Variants in LRTM3 observed in about 807,000 individuals in gnomAD.
The protein encoded by LRTM3 is leucine rich repeat transmembrane protein 3, also known as leucine-rich repeat transmembrane protein 3.
the LRTM3 span, chr13:102,738,241 C>T: frequency 6.4e-7 from 1 of 1,550,916 alleles, no homozygotes; most frequent in Non-Finnish European, 8.7e-7. Context: ...CTTTCTGTTG[C>T]ATGTAATCTT....
chr13:102,743,129 A>T, the LRTM3 span: 1 of 1,550,480 alleles, frequency 6.4e-7, no homozygotes, highest in Non-Finnish European at 8.7e-7. Flanking sequence ...GAATGGATCC[A>T]TTTCTGTAAG....
chr13:102,739,586 A>G, the LRTM3 span: 23 of 1,550,226 alleles, frequency 1.5e-5, no homozygotes, highest in South Asian at 3.6e-5. Context: ...CTCTTGTTTT[A>G]TAATGTCTAA....
chr13:102,730,614 G>T, the LRTM3 span: 9 of 1,551,974 alleles, frequency 5.8e-6, no homozygotes, highest in Non-Finnish European at 7.8e-6. Flanking sequence ...AGGGTTGGCT[G>T]TGGGAATTTT....
the LRTM3 span, among the ~76,000 whole-genome samples, chr13:102,756,673 T>TAAAAAAAAAAA: frequency 3.0e-5 from 2 of 67,016 alleles, no homozygotes; most frequent in African/African-American, 1.1e-4. Context: ...AAACTCTGTC[T>TAAAAAAAAAAA]AAAAAAAAAA....
At chr13:102,755,945 ATATATATATATATATATT>A in the LRTM3 span, among the ~76,000 whole-genome samples, 1,719 of 76,224 alleles carry the variant, frequency 0.023, 13 homozygotes, top group Middle Eastern at 0.034. Context: ...ATATATACAT[ATATATATATATATATATT>A]TTTTTTTTTT....
the LRTM3 span, chr13:102,730,923 C>T: frequency 5.2e-6 from 8 of 1,551,120 alleles, no homozygotes; most frequent in African/African-American, 6.8e-5. Context: ...CCTGTGAAAC[C>T]AGGATGAATA....
the LRTM3 span, chr13:102,734,860 G>A: frequency 6.4e-7 from 1 of 1,550,880 alleles, no homozygotes; most frequent in African/African-American, 1.4e-5. Flanking sequence ...ATATTAAGAT[G>A]CTTACTATTT....
the LRTM3 span, among the ~76,000 whole-genome samples, chr13:102,756,280 C>T: frequency 6.8e-6 from 1 of 148,038 alleles, no homozygotes; most frequent in East Asian, 2.0e-4. Flanking sequence ...TCATGATATT[C>T]CTAAGAGGTA....
the LRTM3 span, chr13:102,739,153 A>T: frequency 6.5e-7 from 1 of 1,550,068 alleles, no homozygotes; most frequent in Admixed American, 2.0e-5. Flanking sequence ...TCTGAACTAC[A>T]TTTAGATTAC....
chr13:102,742,927 C>T, the LRTM3 span: 1 of 1,549,832 alleles, frequency 6.5e-7, no homozygotes, highest in Non-Finnish European at 8.7e-7. Flanking sequence ...TATCTGATTT[C>T]TCCATCCTTG....
chr13:102,738,948 G>A, the LRTM3 span: 10 of 1,550,356 alleles, frequency 6.5e-6, no homozygotes, highest in Non-Finnish European at 7.9e-6. Context: ...TTGTCTTTCT[G>A]CGGCATATGT....
chr13:102,749,897 C>A, the LRTM3 span: 48 of 1,551,440 alleles, frequency 3.1e-5, no homozygotes, highest in Non-Finnish European at 4.2e-5. Flanking sequence ...AGTAGTTCTG[C>A]TCCCTAACTT....
chr13:102,747,706 ACTCT>A, the LRTM3 span: 10 of 1,550,864 alleles, frequency 6.4e-6, no homozygotes, highest in Non-Finnish European at 8.7e-6. Context: ...GATCTCCGGC[ACTCT>A]CTCTGTCTGT....
At chr13:102,729,610 G>T in the LRTM3 span, 2 of 1,544,702 alleles carry the variant, frequency 1.3e-6, no homozygotes, top group African/African-American at 1.4e-5. Flanking sequence ...GAATGGTTTT[G>T]GGTATAACCT....
At chr13:102,740,112 T>C in the LRTM3 span, 2 of 1,548,524 alleles carry the variant, frequency 1.3e-6, no homozygotes, top group East Asian at 4.9e-5. Context: ...TTTTGTACCT[T>C]TTCATTTGCC....
chr13:102,738,153 G>T, the LRTM3 span: 28 of 1,550,864 alleles, frequency 1.8e-5, no homozygotes, highest in East Asian at 2.2e-4. Flanking sequence ...TCCTGTGAAA[G>T]TGCCTTCTTT....
At chr13:102,745,428 ATGTTTCAT>A in the LRTM3 span, 1 of 1,550,826 alleles carries the variant, frequency 6.4e-7, no homozygotes, top group African/African-American at 1.4e-5. Flanking sequence ...AGGAAAGCAT[ATGTTTCAT>A]CTACCCCCTT....
the LRTM3 span, chr13:102,758,608 G>C: frequency 6.5e-5 from 99 of 1,526,358 alleles, no homozygotes; most frequent in Non-Finnish European, 8.6e-5. Flanking sequence ...TGTTAGAGGA[G>C]TAATCGGAGT....
chr13:102,731,411 A>G, the LRTM3 span: 8 of 1,551,458 alleles, frequency 5.2e-6, no homozygotes, highest in South Asian at 1.2e-5. Flanking sequence ...TATCAGATTC[A>G]GTTGTATTTC....
Sources: gnomAD v4.1 joint callset for allele counts (sites outside exome capture counted in the v4.1 genomes callset) on GRCh38, gnomAD v4.1.1 for gene constraint, MANE v1.5 for transcripts, NCBI Gene and HGNC (gene_info 2026-07-23, HGNC 2026-07-21) for gene names.